Variants in ATP7B observed in about 807,000 individuals in gnomAD.
ATP7B encodes the protein ATPase copper transporting beta.
A neutral mutation model predicts 118.9 loss-of-function variants in ATP7B; 113 were observed. The observed-to-expected ratio is 0.95, with a 90% CI of 0.82 to 1.11. The LOEUF (loss-of-function observed/expected upper bound fraction) is 1.11. ATP7B is among the 50% of genes most tolerant of loss of function. The pLI is 0.00. For missense variants in ATP7B, 1,867 were observed against 1,871.4 expected (o/e 1.00, Z 0.04); for synonymous variants, 777 against 727.4 (o/e 1.07, Z -1.10).
chr13:51,965,104 G>T lies in ATP7B; in HGVS notation c.1708-71C>A, dbSNP rs1029572659. The T allele has an allele frequency of 6.3e-6, 10 of 1,597,014 alleles. No individual in the cohort carries two copies. The African/African-American group carries it at 1.3e-4, about 21-fold the overall frequency. Reference sequence around the variant, plus strand: ...AAGCCTGTGAAAGCCAGTCCAGGGAGTCTAGGTAACAGGCAGCCAAGAGCC... The same window carrying T: ...AAGCCTGTGAAAGCCAGTCCAGGGATTCTAGGTAACAGGCAGCCAAGAGCC... On this transcript the variant is annotated intron_variant, in intron 4 of 20. Transcript: ENST00000242839.
chr13:51,945,065 T>C (rs1957560709), intron 13 of ATP7B, among the ~76,000 whole-genome samples: 1 of 130,990 alleles, frequency 7.6e-6, no homozygotes, highest in Non-Finnish European at 1.7e-5. Flanking sequence ...TTGTTTCTGA[T>C]GCTGAGCGGT....
At chr13:51,956,082 G>A (rs1382250414) in intron 9 of ATP7B, among the ~76,000 whole-genome samples, 1 of 152,210 alleles carries the variant, frequency 6.6e-6, no homozygotes, top group African/African-American at 2.4e-5. Flanking sequence ...CAAGTGCTGG[G>A]GAGTGAGCCT....
At chr13:51,997,050 T>C (rs1953244663) in intron 1 of ATP7B, among the ~76,000 whole-genome samples, 1 of 152,214 alleles carries the variant, frequency 6.6e-6, no homozygotes, top group Non-Finnish European at 1.5e-5. Flanking sequence ...GCTGCCTCTA[T>C]GGGAGCCCAT....
intron 5 of ATP7B, among the ~76,000 whole-genome samples, chr13:51,962,382 A>C (rs4943049): frequency 5.9e-5 from 9 of 152,096 alleles, no homozygotes; most frequent in Non-Finnish European, 1.2e-4. Flanking sequence ...CACAGCTTCC[A>C]CTGTGCCCCA....
In ATP7B at chr13:51,958,444, T is replaced by A; in HGVS notation, c.2222A>T (p.Tyr741Phe). 1 of 1,614,188 alleles carries A rather than the reference T, an allele frequency of 6.2e-7. No homozygotes were observed. The highest frequency in any genetic ancestry group is 8.5e-7 in the Non-Finnish European group (1 of 1,180,042). ...VLIVLATSIAYVYSLVILVVA... is the reference protein window; with the variant it reads ...VLIVLATSIAFVYSLVILVVA... ...CACCAGGATGACCAGAGAATAAACA[T>A]AAGCAATGCTTGTGGCCAGGACGAT... The change falls in exon 8 of 21, where the codon TAT becomes TTT. Residue 741 changes from tyrosine to phenylalanine, a missense_variant. Coordinates refer to ENST00000242839, the MANE Select transcript of ATP7B (RefSeq NM_000053.4).
intron 4 of ATP7B, chr13:51,966,645 T>C: frequency 2.1e-6 from 2 of 963,082 alleles, no homozygotes; most frequent in Non-Finnish European, 3.2e-6. Flanking sequence ...CAACTATTGA[T>C]ACAGCATGGT....
chr13:51,966,671 A>G, intron 4 of ATP7B: 1 of 1,253,130 alleles, frequency 8.0e-7, no homozygotes, highest in Non-Finnish European at 1.1e-6. Context: ...TAAAAAAAGA[A>G]CACTACAGAC....
rs1226349409 is a variant in ATP7B at position 51,946,492 on chromosome 13, A to C, written c.2866-14T>G. On this transcript the variant is annotated splice_polypyrimidine_tract_variant and intron_variant, in intron 12 of 20. Transcript: ENST00000242839. Reference sequence around the variant, plus strand: ...CTTGTTGGGGTTCTGAAAACAGGACAGAGTCAGAGGCAGGTTGAGAGTTCA... The same window carrying C: ...CTTGTTGGGGTTCTGAAAACAGGACCGAGTCAGAGGCAGGTTGAGAGTTCA... 1.2e-6 allele frequency: 2 copies of C among 1,614,014 alleles called. No individual in the cohort carries two copies.
chr13:51,939,575 A>G (rs748884995), intron 16 of ATP7B, among the ~76,000 whole-genome samples: 1 of 152,272 alleles, frequency 6.6e-6, no homozygotes, highest in African/African-American at 2.4e-5. Context: ...GATATCACTT[A>G]AAGTGATAAA....
chr13:51,957,669 TGA>T (rs1958442979), intron 8 of ATP7B, 62 bp from the exon 9 acceptor site: 12 of 1,505,722 alleles, frequency 8.0e-6, no homozygotes, highest in Admixed American at 3.3e-5. Flanking sequence ...AAACCCAGCC[TGA>T]GAGTCACAAG....
At chr13:51,956,836 T>C (rs1369873844) in intron 9 of ATP7B, among the ~76,000 whole-genome samples, 1 of 152,174 alleles carries the variant, frequency 6.6e-6, no homozygotes, top group Non-Finnish European at 1.5e-5. Flanking sequence ...AGTCAGTGTG[T>C]GTAAAGGTTA....
chr13:51,961,679 T>C (rs1958752958), intron 6 of ATP7B, among the ~76,000 whole-genome samples, 158 bp downstream of exon 6: 1 of 152,232 alleles, frequency 6.6e-6, no homozygotes, highest in African/African-American at 2.4e-5. Flanking sequence ...GAACTTCTTT[T>C]GGACAGCACT....
chr13:51,958,605 C>T, intron 7 of ATP7B, 61 bp from the exon 8 acceptor site: 7 of 1,472,306 alleles, frequency 4.8e-6, no homozygotes, highest in Non-Finnish European at 6.6e-6. Flanking sequence ...ATGAGCGACA[C>T]AGGGCCAAGG....
chr13:51,942,770 T>C (rs1957414609), intron 14 of ATP7B, among the ~76,000 whole-genome samples: 1 of 152,136 alleles, frequency 6.6e-6, no homozygotes, highest in African/African-American at 2.4e-5. Flanking sequence ...GGTAAAGATA[T>C]TATAGCTGTA....
rs143325418 is a variant in ATP7B at position 51,943,023 on chromosome 13, A to G, written c.3244-469T>C. Among the ~76,000 whole-genome samples, 543 of 152,316 alleles carry G rather than the reference A, an allele frequency of 3.6e-3. 2 individuals carry two copies. The highest frequency in any genetic ancestry group is 0.013 in the African/African-American group (522 of 41,572). ...AGACTATCAAGAGATAACTGCCTGT[A>G]TATCAGACCCTGGAGGAGGAGGGGA... On this transcript the variant is annotated intron_variant, in intron 14 of 20. Transcript: ENST00000242839.
chr13:51,976,293 C>G (rs1952115873), intron 1 of ATP7B, among the ~76,000 whole-genome samples: 1 of 152,154 alleles, frequency 6.6e-6, no homozygotes, highest in Non-Finnish European at 1.5e-5. Flanking sequence ...CTCCTTTTTC[C>G]TGTGCATAAA....
intron 14 of ATP7B, among the ~76,000 whole-genome samples, chr13:51,943,437 G>GA (rs1267456771): frequency 6.6e-6 from 1 of 152,182 alleles, no homozygotes. Flanking sequence ...CCCTGATCAG[G>GA]AAGAGTTGTC....
At chr13:51,956,189 G>A (rs555948913) in intron 9 of ATP7B, among the ~76,000 whole-genome samples, 2 of 152,302 alleles carry the variant, frequency 1.3e-5, no homozygotes. Context: ...CCACCGCGCA[G>A]CAGCCAGCCT....
intron 1 of ATP7B, among the ~76,000 whole-genome samples, chr13:51,994,479 A>C (rs1214863603): frequency 6.6e-6 from 1 of 152,212 alleles, no homozygotes; most frequent in Non-Finnish European, 1.5e-5. Context: ...AACACCAAAA[A>C]ACACTTTTAA....
Sources: allele counts gnomAD v4.1 joint callset (sites outside exome capture counted in the v4.1 genomes callset), GRCh38; gene constraint gnomAD v4.1.1; transcripts MANE v1.5; gene names NCBI Gene and HGNC (gene_info 2026-07-23, HGNC 2026-07-21).